ILRUN: variants seen among roughly 807,000 people sequenced by gnomAD.
ILRUN encodes the protein protein ILRUN.
ILRUN carries 3 observed loss-of-function variants against 33.8 expected under a neutral mutation model. The observed-to-expected ratio is 0.09, with a 90% CI of 0.04 to 0.23. The LOEUF is 0.23. Ranked by LOEUF, ILRUN falls within the 10% of genes least tolerant of loss-of-function variation. ILRUN has a pLI of 1.00. For synonymous variants in ILRUN, 124 were observed against 138.9 expected, an observed-to-expected ratio of 0.89 and a Z score of 0.75; for missense variants, 210 against 375.1, an observed-to-expected ratio of 0.56 and a Z score of 3.64.
At chr6:34,601,780 A>C (rs1159977992) in intron 4 of ILRUN, among the ~76,000 whole-genome samples, 1 of 152,076 alleles carries the variant, frequency 6.6e-6, no homozygotes, top group Non-Finnish European at 1.5e-5. Flanking sequence ...GTCAACATAG[A>C]TAGCAGCAGG....
chr6:34,668,654 G>A (rs892735353), intron 1 of ILRUN, among the ~76,000 whole-genome samples: 1 of 152,050 alleles, frequency 6.6e-6, no homozygotes, highest in African/African-American at 2.4e-5. Context: ...GCCTTCAGAG[G>A]CTACCTGTGA....
At chr6:34,653,989 A>G (rs1163444157) in intron 2 of ILRUN, among the ~76,000 whole-genome samples, 2 of 150,936 alleles carry the variant, frequency 1.3e-5, no homozygotes, top group African/African-American at 2.4e-5. Context: ...AAAAAAAAAA[A>G]GTGCTGGGAT....
chr6:34,622,176 C>T (rs1164328892), intron 3 of ILRUN, among the ~76,000 whole-genome samples: 1 of 152,156 alleles, frequency 6.6e-6, no homozygotes, highest in African/African-American at 2.4e-5. Context: ...AGCTTTATCA[C>T]ATTGGATTTG....
intron 1 of ILRUN, among the ~76,000 whole-genome samples, chr6:34,657,737 C>T (rs1425781952): frequency 6.6e-6 from 1 of 152,162 alleles, no homozygotes; most frequent in Non-Finnish European, 1.5e-5. Flanking sequence ...TACTGGCCCA[C>T]TAGGCTGAGC....
intron 1 of ILRUN, among the ~76,000 whole-genome samples, chr6:34,695,566 A>T (rs1346074421): frequency 6.6e-6 from 1 of 152,164 alleles, no homozygotes; most frequent in Non-Finnish European, 1.5e-5. Flanking sequence ...CTCCCAGCCT[A>T]AGTTCTCCAT....
intron 1 of ILRUN, among the ~76,000 whole-genome samples, chr6:34,663,726 T>C (rs189368887): frequency 2.7e-4 from 41 of 152,296 alleles, no homozygotes; most frequent in African/African-American, 9.1e-4. Flanking sequence ...AATTCAATGA[T>C]TTTTAGTAAA....
At chr6:34,657,798 T>C (rs770635123) in intron 1 of ILRUN, among the ~76,000 whole-genome samples, 95 of 152,284 alleles carry the variant, frequency 6.2e-4, no homozygotes, top group Non-Finnish European at 1.3e-3. Context: ...AAAGTAGACA[T>C]GATAGCAGGT....
chr6:34,590,514 C>A lies in ILRUN; in HGVS notation c.*51G>T. 3 of 1,612,974 alleles carry A rather than the reference C, an allele frequency of 1.9e-6. No homozygotes were observed. Among genetic ancestry groups the A allele is most frequent in the Middle Eastern group, 1.7e-4 (1 of 5,892 alleles). On this transcript the variant is annotated 3_prime_UTR_variant, in exon 5 of 5. Coordinates refer to ENST00000374023, the MANE Select transcript of ILRUN (RefSeq NM_024294.4). Reference sequence around the variant, plus strand: ...AGAGGAACCCCTTGCCCTAACCCCCCAAAGTCAGGCCTTCTGTCTTTTGTT... The same window carrying A: ...AGAGGAACCCCTTGCCCTAACCCCCAAAAGTCAGGCCTTCTGTCTTTTGTT...
At chr6:34,594,431 C>A (rs757933735) in intron 4 of ILRUN, among the ~76,000 whole-genome samples, 2 of 152,148 alleles carry the variant, frequency 1.3e-5, no homozygotes, top group African/African-American at 2.4e-5. Context: ...ATACTCAAAC[C>A]CAGAAAAAAA....
chr6:34,633,733 T>C lies in ILRUN; in HGVS notation c.511+12868A>G, dbSNP rs1263977794. 2.7e-5 allele frequency among the ~76,000 whole-genome samples: 4 copies of C among 150,626 alleles called. No homozygotes were observed. The South Asian group carries it at 8.4e-4, about 32-fold the overall frequency. ...CAAGACAGGCATGGTGGTGTGCGCC[T>C]GTAGTCCCAGCTACTTGGGAAGCTG... On this transcript the variant is annotated intron_variant, in intron 3 of 4. Coordinates refer to ENST00000374023, the MANE Select transcript of ILRUN (RefSeq NM_024294.4).
chr6:34,610,457 A>C lies in ILRUN; in HGVS notation c.512-3553T>G, dbSNP rs184634928. Among the ~76,000 whole-genome samples the C allele has an allele frequency of 4.6e-5, 7 of 152,266 alleles. No homozygotes were observed. In the East Asian group the frequency reaches 9.7e-4, roughly 21 times the overall value. On this transcript the variant is annotated intron_variant, in intron 3 of 4. Coordinates refer to ENST00000374023, the MANE Select transcript of ILRUN (RefSeq NM_024294.4). ...CAAGACAGCATTCCTTCACTCTACT[A>C]TTTGTTTTTCCCAAACAGATAAGCC...
chr6:34,652,519 C>A (rs559195079), intron 2 of ILRUN, among the ~76,000 whole-genome samples: 34 of 152,178 alleles, frequency 2.2e-4, no homozygotes, highest in Non-Finnish European at 4.4e-4. Flanking sequence ...AATAACAATT[C>A]AATTTGGTAC....
Position 34,693,690 on chromosome 6 carries a change from G to A in ILRUN, c.158+2756C>T, listed in dbSNP as rs535517593. ...TTATTTTATTTTTTTTTTTTGAGACGGAGTCTCGGTCTGTTGCCCAGGCTG... is the reference window on the plus strand; with the variant it reads ...TTATTTTATTTTTTTTTTTTGAGACAGAGTCTCGGTCTGTTGCCCAGGCTG... On this transcript the variant is annotated intron_variant, in intron 1 of 4. Coordinates refer to ENST00000374023, the MANE Select transcript of ILRUN (RefSeq NM_024294.4). 3.1e-4 allele frequency among the ~76,000 whole-genome samples: 40 copies of A among 130,358 alleles called. No homozygotes were observed. In the East Asian group the frequency reaches 8.6e-3, roughly 28 times the overall value. 85.5% of individuals were successfully genotyped at this position (130,358 alleles called of 152,430 possible).
chr6:34,665,356 C>T (rs917019982), intron 1 of ILRUN, among the ~76,000 whole-genome samples: 1 of 151,166 alleles, frequency 6.6e-6, no homozygotes, highest in Non-Finnish European at 1.5e-5. Flanking sequence ...CCCAGCTACT[C>T]GGAAGGCCTG....
At chr6:34,670,892 A>G (rs77423843) in intron 1 of ILRUN, among the ~76,000 whole-genome samples, 310 of 151,598 alleles carry the variant, frequency 2.0e-3, no homozygotes, top group Non-Finnish European at 3.4e-3. Flanking sequence ...AATGATATAC[A>G]CACCCCCTAA....
At chr6:34,693,667 AT>A (rs71810129) in intron 1 of ILRUN, among the ~76,000 whole-genome samples, 24,116 of 142,124 alleles carry the variant, frequency 0.17, 2,616 homozygotes, top group African/African-American at 0.31. Context: ...GTTTTATTTT[AT>A]TTTATTTTTT....
chr6:34,695,191 G>A (rs1419188433), intron 1 of ILRUN, among the ~76,000 whole-genome samples: 1 of 152,118 alleles, frequency 6.6e-6, no homozygotes, highest in Non-Finnish European at 1.5e-5. Context: ...CTTTTCCAGC[G>A]TTGCTTGAGG....
chr6:34,614,431 T>TAATAA (rs1265306959), intron 3 of ILRUN, among the ~76,000 whole-genome samples: 1 of 113,974 alleles, frequency 8.8e-6, no homozygotes, highest in African/African-American at 3.4e-5. Context: ...CAAAAAATAA[T>TAATAA]AAAAAAAAAA....
In ILRUN at chr6:34,670,663, C is replaced by A. The variant is rs566145399; in HGVS notation, c.159-15884G>T. On this transcript the variant is annotated intron_variant, in intron 1 of 4. Coordinates refer to ENST00000374023, the MANE Select transcript of ILRUN (RefSeq NM_024294.4). ...GTCAGGAGTTCGAGACCAGCTTGGC[C>A]AACATGGTGAAACCCTGTCTCTACT... Among the ~76,000 whole-genome samples the A allele has an allele frequency of 9.8e-4, 148 of 151,330 alleles. No individual in the cohort carries two copies. In the Middle Eastern group the frequency reaches 0.034, roughly 35 times the overall value.
Sources: gnomAD v4.1 joint callset for allele counts (sites outside exome capture counted in the v4.1 genomes callset) on GRCh38, gnomAD v4.1.1 for gene constraint, MANE v1.5 for transcripts, NCBI Gene and HGNC (gene_info 2026-07-23, HGNC 2026-07-21) for gene names.